The following SEMA3C variants were observed in gnomAD, a reference collection of about 807,000 sequenced individuals.
SEMA3C encodes semaphorin-3C.
Under a neutral mutation model 89.4 loss-of-function variants are expected in SEMA3C, and 47 were observed. That is an observed-to-expected ratio of 0.53 (90% confidence interval 0.42 to 0.67). The LOEUF (loss-of-function observed/expected upper bound fraction) is 0.67, where lower values mean the gene tolerates loss of function less well. Ranked by LOEUF, SEMA3C falls within the 30% of genes least tolerant of loss-of-function variation. SEMA3C has a pLI of 0.00. For missense variants in SEMA3C, 839 were observed against 929.1 expected (o/e 0.90, Z 1.26); for synonymous variants, 310 against 320.2 (o/e 0.97, Z 0.34).
In SEMA3C at chr7:80,916,753, A is replaced by G. The variant is rs748144209; in HGVS notation, c.29T>C (p.Val10Ala). 3.1e-6 allele frequency: 5 copies of G among 1,613,630 alleles called. No homozygotes were observed. Among genetic ancestry groups the G allele is most frequent in the Admixed American group, 1.7e-5 (1 of 60,006 alleles). Reference sequence around the variant, plus strand: ...ACAGATAGAACAAATAAATACTCCAACCAACACGCAAATTGTCCGGAATGC... The same window carrying G: ...ACAGATAGAACAAATAAATACTCCAGCCAACACGCAAATTGTCCGGAATGC... MAFRTICVL[V>A]GVFICSICVK... The change falls in exon 2 of 18, where the codon GTT (valine) becomes GCT (alanine). Residue 10 changes from valine (V) to alanine (A), a missense_variant. Transcript: ENST00000265361.
intron 5 of SEMA3C, among the ~76,000 whole-genome samples, chr7:80,811,900 G>C (rs1406125128): frequency 1.3e-5 from 2 of 152,082 alleles, no homozygotes; most frequent in East Asian, 3.9e-4. Flanking sequence ...AATCAACAGA[G>C]GTGGGCATCA....
chr7:80,802,786 C>A lies in SEMA3C; in HGVS notation c.802-7G>T. The A allele has an allele frequency of 1.9e-6, 3 of 1,599,562 alleles. No individual in the cohort carries two copies. The South Asian group carries it at 3.3e-5, about 18-fold the overall frequency. ...GCAGTCCACCAGTGTCATTCTAAAA[C>A]CATTTTGTAAACATAATTCAGATTG... On this transcript the variant is annotated splice_polypyrimidine_tract_variant and splice_region_variant and intron_variant, in intron 8 of 17. Coordinates refer to ENST00000265361, the MANE Select transcript of SEMA3C (RefSeq NM_006379.5).
At chr7:80,885,754 T>C (rs1233007348) in intron 2 of SEMA3C, among the ~76,000 whole-genome samples, 2 of 152,222 alleles carry the variant, frequency 1.3e-5, no homozygotes, top group Non-Finnish European at 2.9e-5. Context: ...TGTAAATTTA[T>C]ATTTAAAATC....
At chr7:80,855,828 G>C (rs913797443) in intron 2 of SEMA3C, among the ~76,000 whole-genome samples, 4 of 152,034 alleles carry the variant, frequency 2.6e-5, no homozygotes, top group African/African-American at 9.7e-5. Flanking sequence ...AGTTTGAGCT[G>C]GGGAGTTAAC....
At chr7:80,767,520 G>C (rs1788331254) in intron 12 of SEMA3C, among the ~76,000 whole-genome samples, 1 of 152,198 alleles carries the variant, frequency 6.6e-6, no homozygotes, top group South Asian at 2.1e-4. Context: ...CACTAGTTTA[G>C]ATTTAGCAAT....
intron 11 of SEMA3C, among the ~76,000 whole-genome samples, chr7:80,791,940 C>T (rs145840161): frequency 3.6e-4 from 55 of 152,196 alleles, no homozygotes; most frequent in African/African-American, 1.3e-3. Flanking sequence ...CTTACTTTGA[C>T]CAGTTAACAT....
intron 2 of SEMA3C, among the ~76,000 whole-genome samples, chr7:80,870,143 A>C (rs780400912): frequency 6.6e-6 from 1 of 152,146 alleles, no homozygotes; most frequent in African/African-American, 2.4e-5. Context: ...TGTGTGCTAC[A>C]TGAGCACTCC....
At chr7:80,828,059 T>C (rs1789919004) in intron 3 of SEMA3C, among the ~76,000 whole-genome samples, 2 of 152,144 alleles carry the variant, frequency 1.3e-5, no homozygotes, top group Non-Finnish European at 2.9e-5. Context: ...TGTCAGTCCA[T>C]TGCCTGTGTT....
At chr7:80,788,944 G>A (rs953461701) in intron 12 of SEMA3C, among the ~76,000 whole-genome samples, 1 of 152,092 alleles carries the variant, frequency 6.6e-6, no homozygotes, top group Non-Finnish European at 1.5e-5. Context: ...ATTGAGACAA[G>A]AAGAAGTTTT....
At chr7:80,919,613 C>A (rs777904465), upstream of SEMA3C, among the ~76,000 whole-genome samples, 3 of 150,818 alleles carry the variant, frequency 2.0e-5, no homozygotes, top group Admixed American at 6.6e-5. Context: ...GAGAGGGAAT[C>A]TCACTCTGTC....
At chr7:80,830,640 C>G (rs924890196) in intron 2 of SEMA3C, among the ~76,000 whole-genome samples, 1 of 151,988 alleles carries the variant, frequency 6.6e-6, no homozygotes, top group Non-Finnish European at 1.5e-5. Context: ...TGACAGCATA[C>G]AAGAACAAAA....
chr7:80,838,882 C>A (rs1790199527), intron 2 of SEMA3C, among the ~76,000 whole-genome samples: 1 of 152,150 alleles, frequency 6.6e-6, no homozygotes. Context: ...GTGATGATTA[C>A]AACTGAGATG....
At chr7:80,813,972 G>A (rs1181504812) in intron 5 of SEMA3C, among the ~76,000 whole-genome samples, 1 of 151,856 alleles carries the variant, frequency 6.6e-6, no homozygotes, top group Non-Finnish European at 1.5e-5. Context: ...GATTCTCAAT[G>A]GCGCTTGGAA....
intron 16 of SEMA3C, among the ~76,000 whole-genome samples, chr7:80,750,503 T>TAC (rs1281284786): frequency 1.1e-4 from 8 of 76,004 alleles, no homozygotes; most frequent in Non-Finnish European, 1.8e-4. Context: ...CACACACACA[T>TAC]ACACACACAC....
chr7:80,912,039 T>C (rs1792165090), intron 2 of SEMA3C, among the ~76,000 whole-genome samples: 2 of 152,320 alleles, frequency 1.3e-5, no homozygotes, highest in South Asian at 4.1e-4. Flanking sequence ...TTGCTCCCAA[T>C]TGTAGGAACC....
intron 2 of SEMA3C, among the ~76,000 whole-genome samples, chr7:80,912,085 T>C (rs972464433): frequency 3.9e-5 from 6 of 152,194 alleles, no homozygotes; most frequent in Non-Finnish European, 7.3e-5. Context: ...GAATATCATT[T>C]ATTGGCAACA....
intron 2 of SEMA3C, among the ~76,000 whole-genome samples, chr7:80,849,889 A>C (rs1040077999): frequency 2.6e-5 from 4 of 152,138 alleles, no homozygotes; most frequent in Non-Finnish European, 5.9e-5. Context: ...AAGATTTCTA[A>C]GCACATATAA....
At chr7:80,881,642 T>G (rs371203384) in intron 2 of SEMA3C, among the ~76,000 whole-genome samples, 21 of 152,328 alleles carry the variant, frequency 1.4e-4, no homozygotes, top group African/African-American at 5.1e-4. Context: ...GATATTTGTC[T>G]TAGTAATCAT....
chr7:80,862,771 A>C (rs1231011408), intron 2 of SEMA3C, among the ~76,000 whole-genome samples: 1 of 152,154 alleles, frequency 6.6e-6, no homozygotes, highest in African/African-American at 2.4e-5. Context: ...CAGAATAGAG[A>C]ACCCAGAAAT....
Sources: gnomAD v4.1 joint callset for allele counts (sites outside exome capture counted in the v4.1 genomes callset) on GRCh38, gnomAD v4.1.1 for gene constraint, MANE v1.5 for transcripts, NCBI Gene and HGNC (gene_info 2026-07-23, HGNC 2026-07-21) for gene names.